EEPD1: variants seen among roughly 807,000 people sequenced by gnomAD.
EEPD1 encodes endonuclease/exonuclease/phosphatase family domain containing 1.
A neutral mutation model predicts 46.3 loss-of-function variants in EEPD1; 17 were observed. The ratio of observed to expected loss-of-function variants is 0.37; its 90% CI spans 0.25 to 0.55. The LOEUF is 0.55. Among genes scored for constraint, EEPD1 ranks in the 20% least tolerant of loss-of-function variants. The pLI is 0.83. For missense variants in EEPD1, 673 were observed against 745.6 expected (o/e 0.90, Z 1.13); for synonymous variants, 313 against 315.6 (o/e 0.99, Z 0.09).
chr7:36,284,807 T>G lies in EEPD1; in HGVS notation c.1163T>G (p.Leu388Arg). The G allele has an allele frequency of 6.5e-7, 1 of 1,538,778 alleles. No individual in the cohort carries two copies. Among genetic ancestry groups the G allele is most frequent in the Non-Finnish European group, 8.8e-7 (1 of 1,141,722 alleles). Residue 388 changes from leucine to arginine, a missense_variant, in exon 5 of 8, where the codon CTC becomes CGC. By Grantham distance (102) the Leu-to-Arg change is moderately radical. Coordinates refer to ENST00000242108, the MANE Select transcript of EEPD1 (RefSeq NM_030636.3). The stretch of plus-strand genomic sequence containing the variant: ...AAGCTGGCGGGCCCCAGCCCATACC[T>G]CGGGAGGTTCAAGGTACCCGCTCCA... Reference protein sequence around the residue: ...HGKLAGPSPYLGRFKVGSHDL... With the variant: ...HGKLAGPSPYRGRFKVGSHDL...
At chr7:36,191,486 T>A (rs1785460386) in intron 2 of EEPD1, among the ~76,000 whole-genome samples, 1 of 152,202 alleles carries the variant, frequency 6.6e-6, no homozygotes. Flanking sequence ...CCACCAGTGA[T>A]GCTGCTGTCA....
At chr7:36,211,814 A>ATC (rs1785939834) in intron 2 of EEPD1, among the ~76,000 whole-genome samples, 1 of 151,892 alleles carries the variant, frequency 6.6e-6, no homozygotes, top group Admixed American at 6.6e-5. Context: ...AAACCCAGCT[A>ATC]CTCAGGAGGC....
chr7:36,298,653 C>T (rs555139269), intron 7 of EEPD1, among the ~76,000 whole-genome samples: 1 of 152,228 alleles, frequency 6.6e-6, no homozygotes, highest in Non-Finnish European at 1.5e-5. Flanking sequence ...TTGCTTTGGA[C>T]TTGGGATGTC....
intron 6 of EEPD1, among the ~76,000 whole-genome samples, chr7:36,292,644 A>T (rs1178890242): frequency 1.3e-5 from 2 of 151,974 alleles, no homozygotes; most frequent in African/African-American, 4.8e-5. Context: ...AGTAACTGGG[A>T]TTACAGGCGC....
intron 2 of EEPD1, among the ~76,000 whole-genome samples, chr7:36,235,111 C>CACAGCCTCCAGCCCAGGCCTCCCCT (rs1391037989): frequency 1.0e-3 from 152 of 145,030 alleles, no homozygotes; most frequent in African/African-American, 3.7e-3. Flanking sequence ...AGGCCTTCCC[C>CACAGCCTCCAGCCCAGGCCTCCCCT]ACAGCCTCCA....
At chr7:36,203,597 T>A (rs2115708094) in intron 2 of EEPD1, among the ~76,000 whole-genome samples, 1 of 152,312 alleles carries the variant, frequency 6.6e-6, no homozygotes, top group Non-Finnish European at 1.5e-5. Flanking sequence ...GTGGGAGTGA[T>A]CATTATCTGC....
At chr7:36,161,245 G>A (rs1784897807) in intron 2 of EEPD1, among the ~76,000 whole-genome samples, 1 of 152,192 alleles carries the variant, frequency 6.6e-6, no homozygotes, top group Admixed American at 6.5e-5. Context: ...ATGGGCGCAG[G>A]AAGACCCCAC....
intron 3 of EEPD1, 68 bp from the exon 4 acceptor site, chr7:36,281,047 A>G: frequency 1.4e-6 from 2 of 1,382,168 alleles, no homozygotes; most frequent in Non-Finnish European, 2.0e-6. Flanking sequence ...CTGGCTTCTC[A>G]GGCCGCCGCC....
Position 36,299,493 on chromosome 7 carries a change from G to A in EEPD1, c.*287G>A, listed in dbSNP as rs781752981. On this transcript the variant is annotated 3_prime_UTR_variant, in exon 8 of 8. Coordinates refer to ENST00000242108, the MANE Select transcript of EEPD1 (RefSeq NM_030636.3). ...CTGAGCAGCATTGGGCTGGCTGTCC[G>A]CTGCTGACTGGATGGCAGCACAAAG... 15 of 447,982 alleles carry A rather than the reference G, an allele frequency of 3.3e-5. No homozygotes were observed. The highest frequency in any genetic ancestry group is 7.5e-5 in the Admixed American group (2 of 26,812). The allele number at this position is 447,982 out of a possible 1,614,324, so 27.8% of individuals were successfully genotyped here. A position where few individuals can be genotyped will look rare whatever the true frequency, so the allele number is the denominator to read the frequency against.
At position 36,284,792 on chromosome 7, in the gene EEPD1, GC is replaced by G; in HGVS notation, c.1152del (p.Ser385AlafsTer14). On this transcript the variant is annotated frameshift_variant, in exon 5 of 8. Transcript: ENST00000242108. LOFTEE classifies it high-confidence loss of function. ...AGCAACGGGCACGGGAAGCTGGCGGGCCCCAGCCCATACCTCGGGAGGTTCA... is the reference window on the plus strand; with the variant it reads ...AGCAACGGGCACGGGAAGCTGGCGGGCCCAGCCCATACCTCGGGAGGTTCA... ...SPSNGHGKLA[G>X]PSPYLGRFKV... 1 of 1,574,730 alleles carries G rather than the reference GC, an allele frequency of 6.4e-7. No individual in the cohort carries two copies. The highest frequency in any genetic ancestry group is 8.6e-7 in the Non-Finnish European group (1 of 1,159,346).
intron 3 of EEPD1, among the ~76,000 whole-genome samples, chr7:36,277,416 G>C (rs1562710457): frequency 1.3e-5 from 2 of 152,234 alleles, no homozygotes; most frequent in African/African-American, 2.4e-5. Flanking sequence ...TCAACAGGAA[G>C]GCTCTAAACC....
intron 2 of EEPD1, among the ~76,000 whole-genome samples, chr7:36,172,395 G>T (rs1354694892): frequency 6.6e-6 from 1 of 152,178 alleles, no homozygotes; most frequent in Admixed American, 6.5e-5. Flanking sequence ...ACTTCCAGAT[G>T]GCTGAACATG....
chr7:36,263,064 ATGGTGGTGCATGCCTG>A (rs1786956214), intron 3 of EEPD1, among the ~76,000 whole-genome samples: 1 of 152,142 alleles, frequency 6.6e-6, no homozygotes, highest in Non-Finnish European at 1.5e-5. Flanking sequence ...TTAGCTGTTC[ATGGTGGTGCATGCCTG>A]TGGTACCAGC....
chr7:36,295,472 A>C (rs1182288412), intron 6 of EEPD1, among the ~76,000 whole-genome samples: 1 of 152,134 alleles, frequency 6.6e-6, no homozygotes, highest in Non-Finnish European at 1.5e-5. Flanking sequence ...GGAAGAAGAG[A>C]TCCATCCCTT....
chr7:36,281,282 C>T (rs189821881), intron 4 of EEPD1, 57 bp downstream of exon 4: 12 of 1,492,416 alleles, frequency 8.0e-6, no homozygotes, highest in Admixed American at 1.8e-5. Flanking sequence ...CATACTTTTC[C>T]CCTAATCAAG....
Position 36,154,461 on chromosome 7 carries a change from C to T in EEPD1, c.137C>T (p.Thr46Met), listed in dbSNP as rs763368922. Residue 46 changes from threonine (T) to methionine (M), a missense_variant, in exon 2 of 8, where the codon ACG becomes ATG. Physicochemically the swap from Thr to Met is moderately conservative, Grantham distance 81 (BLOSUM62 -1). Transcript: ENST00000242108. The surrounding 1 kb of genome is among the most constrained non-coding windows in gnomAD (Gnocchi z 4.2). ...GAGCGGCTCAACATCAACACTGCCA[C>T]GGAGGAGGAGCTGATGACCCTGCCT... ...NQERLNINTA[T>M]EEELMTLPGV... 6.2e-7 allele frequency: 1 copy of T among 1,614,192 alleles called. No individual in the cohort carries two copies. Among genetic ancestry groups the T allele is most frequent in the Non-Finnish European group, 8.5e-7 (1 of 1,180,048 alleles).
intron 3 of EEPD1, among the ~76,000 whole-genome samples, chr7:36,266,612 A>G (rs1303180851): frequency 6.6e-6 from 1 of 152,208 alleles, no homozygotes; most frequent in Admixed American, 6.5e-5. Context: ...AACCATCTTA[A>G]AGTAAACAAT....
intron 2 of EEPD1, chr7:36,230,716 G>A (rs554488376): frequency 1.6e-4 from 25 of 152,300 alleles, no homozygotes; most frequent in African/African-American, 4.6e-4. Flanking sequence ...TGCCCATCAC[G>A]CGGCTGATGC....
intron 6 of EEPD1, among the ~76,000 whole-genome samples, chr7:36,296,701 T>C (rs949231787): frequency 3.4e-5 from 5 of 145,832 alleles, no homozygotes; most frequent in Admixed American, 1.3e-4. Context: ...GGTCTTTTTT[T>C]TTTTTTTTTT....
Sources: allele counts gnomAD v4.1 joint callset (sites outside exome capture counted in the v4.1 genomes callset), GRCh38; gene constraint gnomAD v4.1.1; non-coding constraint Gnocchi (gnomAD v3.1); transcripts MANE v1.5; gene names NCBI Gene and HGNC (gene_info 2026-07-23, HGNC 2026-07-21).